DISP2: variants seen among roughly 807,000 people sequenced by gnomAD.
DISP2 encodes the protein protein dispatched homolog 2.
DISP2 carries 59 observed loss-of-function variants against 95.5 expected under a neutral mutation model. The ratio of observed to expected loss-of-function variants is 0.62; its 90% CI spans 0.50 to 0.77. The LOEUF is 0.77. DISP2 is among the 30% of genes least tolerant of loss of function. DISP2 has a pLI of 0.00. For missense variants in DISP2, 1,752 were observed against 1,854.6 expected, an observed-to-expected ratio of 0.94 and a Z score of 1.02; for synonymous variants, 827 against 815.0, an observed-to-expected ratio of 1.01 and a Z score of -0.25.
At position 40,368,426 on chromosome 15, in the gene DISP2, G is replaced by C. The variant is rs749963197; in HGVS notation, c.2314G>C (p.Val772Leu). The C allele has an allele frequency of 1.8e-5, 29 of 1,609,432 alleles. No homozygotes were observed. Among genetic ancestry groups the C allele is most frequent in the Non-Finnish European group, 2.5e-5 (29 of 1,179,878 alleles). ...LPQGEGGHMP[V>L]VLVWGVLPVD... is the part of the protein sequence containing the mutation. ...GCAGGGCGAGGGCGGCCACATGCCC[G>C]TGGTTTTGGTGTGGGGCGTCCTGCC... The change falls in exon 8 of 8, where the codon GTG (valine) becomes CTG (leucine). Residue 772 changes from valine (V) to leucine (L), a missense_variant. Physicochemically the swap from Val to Leu is conservative, Grantham distance 32. Around this residue, in one of 5 missense-constraint regions of DISP2, gnomAD observed 732 missense variants for 714.6 expected, o/e 1.02. Coordinates refer to ENST00000267889, the MANE Select transcript of DISP2 (RefSeq NM_033510.3).
At chr15:40,359,010 G>A (rs770260004) in intron 1 of DISP2, among the ~76,000 whole-genome samples, 2 of 152,238 alleles carry the variant, frequency 1.3e-5, no homozygotes, top group African/African-American at 2.4e-5. Context: ...GGCTGGAGCC[G>A]CTAAGATGGG....
chr15:40,369,817 C>G lies in DISP2; in HGVS notation c.3705C>G (p.Ser1235=). The G allele has an allele frequency of 1.9e-6, 3 of 1,588,100 alleles. No homozygotes were observed. In the South Asian group the frequency reaches 3.4e-5, roughly 18 times the overall value. ...AGTGCCCTGCCCTGCAGACCTCCTC[C>G]CCCTATAAGCAGGCTGGCCCCAGCC... ...FSQCPALQTS[S]PYKQAGPSPK... Residue 1235 remains serine (S), a synonymous_variant, in exon 8 of 8, where the codon TCC becomes TCG. Transcript: ENST00000267889.
At position 40,375,812 on chromosome 15, in the gene DISP2, C is replaced by T. The variant is rs1889724460; in HGVS notation, c.*5494C>T. 6.6e-6 allele frequency: 1 copy of T among 152,304 alleles called. No homozygotes were observed. Among genetic ancestry groups the T allele is most frequent in the African/African-American group, 2.4e-5 (1 of 41,464 alleles). 9.4% of individuals were successfully genotyped at this position (152,304 alleles called of 1,614,324 possible). A position where few individuals can be genotyped will look rare whatever the true frequency, so the allele number is the denominator to read the frequency against. ...AGATAGTTTTAAAGTAATCAGTTTCCAGAGCCGCCTTCTCCATATGTTCCC... is the reference window on the plus strand; with the variant it reads ...AGATAGTTTTAAAGTAATCAGTTTCTAGAGCCGCCTTCTCCATATGTTCCC... On this transcript the variant is annotated 3_prime_UTR_variant, in exon 8 of 8. Transcript: ENST00000267889.
rs1234506369 is a variant in DISP2 at position 40,358,317 on chromosome 15, CG to C, written c.-2del. Reference sequence around the variant, plus strand: ...AGCGCCCGGACAGCGGTGCCGCCCACGGGCATGGACGGTGACAGCAGCAGCA... The same window carrying C: ...AGCGCCCGGACAGCGGTGCCGCCCACGGCATGGACGGTGACAGCAGCAGCA... On this transcript the variant is annotated 5_prime_UTR_variant, in exon 1 of 8. Coordinates refer to ENST00000267889, the MANE Select transcript of DISP2 (RefSeq NM_033510.3). 3.0e-6 allele frequency: 4 copies of C among 1,330,706 alleles called. No individual in the cohort carries two copies. In the East Asian group the frequency reaches 1.2e-4, roughly 41 times the overall value. 82.4% of individuals were successfully genotyped at this position (1,330,706 alleles called of 1,614,324 possible). A position where few individuals can be genotyped will look rare whatever the true frequency, so the allele number is the denominator to read the frequency against.
chr15:40,364,195 G>T, intron 2 of DISP2, 31 bp from the exon 3 acceptor site: 2 of 1,613,828 alleles, frequency 1.2e-6, no homozygotes, highest in Non-Finnish European at 1.7e-6. Context: ...GAGAACTCTG[G>T]CAAGCAAGCA....
Position 40,374,014 on chromosome 15 carries a change from A to AAAAAAAAAAAAAAATATATATATATAT in DISP2, c.*3697_*3698insAAAAAAAAAAAAATATATATATATATA. 11 of 104,178 alleles carry AAAAAAAAAAAAAAATATATATATATAT rather than the reference A, an allele frequency of 1.1e-4. No individual in the cohort carries two copies. The highest frequency in any genetic ancestry group is 4.6e-4 in the African/African-American group (11 of 23,924). The allele number at this position is 104,178 out of a possible 1,614,324, so 6.5% of individuals were successfully genotyped here. A position where few individuals can be genotyped will look rare whatever the true frequency, so the allele number is the denominator to read the frequency against. On this transcript the variant is annotated 3_prime_UTR_variant, in exon 8 of 8. Transcript: ENST00000267889. ...GCGAGACTCCATCTTAAAAAAAAAA[A>AAAAAAAAAAAAAAATATATATATATAT]ATATATATATATATATATGTAAACT...
At chr15:40,358,847 A>G (rs892707733) in intron 1 of DISP2, among the ~76,000 whole-genome samples, 1 of 152,180 alleles carries the variant, frequency 6.6e-6, no homozygotes, top group South Asian at 2.1e-4. Flanking sequence ...TGAATCGCGG[A>G]TGGGAGGCTC....
rs1340061428 is a variant in DISP2 at position 40,372,765 on chromosome 15, C to T, written c.*2447C>T. 4 of 152,164 alleles carry T rather than the reference C, an allele frequency of 2.6e-5. No homozygotes were observed. The highest frequency in any genetic ancestry group is 4.8e-5 in the African/African-American group (2 of 41,424). 9.4% of individuals were successfully genotyped at this position (152,164 alleles called of 1,614,324 possible). On this transcript the variant is annotated 3_prime_UTR_variant, in exon 8 of 8. Coordinates refer to ENST00000267889, the MANE Select transcript of DISP2 (RefSeq NM_033510.3). ...CAGGGAGGTTAAGGGAACTCTTCCT[C>T]CCAAGCATGAGCAGAAGACACTTTG...
chr15:40,361,088 G>A lies in DISP2; in HGVS notation c.120-2537G>A, dbSNP rs889594876. On this transcript the variant is annotated intron_variant, in intron 1 of 7. Transcript: ENST00000267889. ...ATCTGCCAGGACACTGGCTGCTTACGTTATTAACTTTATGGAGTCATCTGA... is the reference window on the plus strand; with the variant it reads ...ATCTGCCAGGACACTGGCTGCTTACATTATTAACTTTATGGAGTCATCTGA... 2.6e-5 allele frequency among the ~76,000 whole-genome samples: 4 copies of A among 152,202 alleles called. No homozygotes were observed. In the South Asian group the frequency reaches 6.2e-4, roughly 24 times the overall value.
rs1889341785 is a variant in DISP2 at position 40,358,244 on chromosome 15, TGCCGCCGCCACCGC to T, written c.-77_-64del. The stretch of plus-strand genomic sequence containing the variant: ...ATGCGCACGAGCACCCCGCCGCCGC[TGCCGCCGCCACCGC>T]CGCCGCCGCCGCCGCCGCCGCGGCT... On this transcript the variant is annotated 5_prime_UTR_variant, in exon 1 of 8. Coordinates refer to ENST00000267889, the MANE Select transcript of DISP2 (RefSeq NM_033510.3). The T allele has an allele frequency of 4.2e-4, 324 of 779,810 alleles. 4 individuals are homozygous for T. The highest frequency in any genetic ancestry group is 4.9e-4 in the Non-Finnish European group (303 of 614,898). 48.3% of individuals were successfully genotyped at this position (779,810 alleles called of 1,614,324 possible).
At chr15:40,360,181 C>T (rs56082003) in intron 1 of DISP2, among the ~76,000 whole-genome samples, 5 of 152,176 alleles carry the variant, frequency 3.3e-5, no homozygotes, top group Admixed American at 6.5e-5. Context: ...ACTCACTTGG[C>T]GTACAGGCCT....
intron 1 of DISP2, among the ~76,000 whole-genome samples, chr15:40,360,684 T>C (rs971503256): frequency 1.3e-5 from 2 of 152,124 alleles, no homozygotes; most frequent in African/African-American, 4.8e-5. Flanking sequence ...CCCACTCTTC[T>C]CCCGTATCCT....
rs745618226 is a variant in DISP2, at chr15:40,369,196, C to T, written c.3084C>T (p.Leu1028=). ...TGTTTCTCTCTGCCTCAGTGGGCCTCTCAGTAGACTTCACTGTCAACTACT... is the reference window on the plus strand; with the variant it reads ...TGTTTCTCTCTGCCTCAGTGGGCCTTTCAGTAGACTTCACTGTCAACTACT... ...EALFLSASVG[L]SVDFTVNYCI... Residue 1028 remains leucine, a synonymous_variant, in exon 8 of 8, where the codon CTC becomes CTT. Transcript: ENST00000267889. The T allele has an allele frequency of 5.6e-6, 9 of 1,613,980 alleles. No homozygotes were observed. The highest frequency in any genetic ancestry group is 1.7e-5 in the Admixed American group (1 of 60,036).
chr15:40,361,516 C>G (rs967358734), intron 1 of DISP2, among the ~76,000 whole-genome samples: 1 of 152,166 alleles, frequency 6.6e-6, no homozygotes, highest in African/African-American at 2.4e-5. Flanking sequence ...ACAAGGATGC[C>G]AATGCTCCAA....
At position 40,377,599 on chromosome 15, in the gene DISP2, G is replaced by A. The variant is rs1269662607; in HGVS notation, c.*7281G>A. On this transcript the variant is annotated 3_prime_UTR_variant, in exon 8 of 8. Coordinates refer to ENST00000267889, the MANE Select transcript of DISP2 (RefSeq NM_033510.3). ...GGCAAAGCAAGTGACTCTGAGGTGA[G>A]GGGATAGCTGGGAGTGTGGAGCAGC... The A allele has an allele frequency of 6.6e-6, 1 of 152,412 alleles. No individual in the cohort carries two copies. The highest frequency in any genetic ancestry group is 2.4e-5 in the African/African-American group (1 of 41,464). 9.4% of individuals were successfully genotyped at this position (152,412 alleles called of 1,614,324 possible).
Position 40,368,578 on chromosome 15 carries a change from G to A in DISP2, c.2466G>A (p.Gln822=), listed in dbSNP as rs745925590. The stretch of plus-strand genomic sequence containing the variant: ...CACTCTGTCACCGGGCCCGGAATCA[G>A]AGCTTCTTCGACACCCTGCAGGAAG... The part of the protein sequence containing the change: ...LLALCHRARN[Q]SFFDTLQEGW... The change falls in exon 8 of 8, where the codon CAG becomes CAA. Residue 822 remains glutamine (Q), a synonymous_variant. Coordinates refer to ENST00000267889, the MANE Select transcript of DISP2 (RefSeq NM_033510.3). The A allele has an allele frequency of 2.5e-6, 4 of 1,604,622 alleles. No homozygotes were observed. The Admixed American group carries it at 6.7e-5, about 27-fold the overall frequency.
In DISP2 at chr15:40,374,073, T is replaced by G. The variant is rs1323685916; in HGVS notation, c.*3755T>G. 2.0e-5 allele frequency: 3 copies of G among 149,590 alleles called. No homozygotes were observed. The highest frequency in any genetic ancestry group is 7.4e-5 in the African/African-American group (3 of 40,384). The allele number at this position is 149,590 out of a possible 1,614,324, so 9.3% of individuals were successfully genotyped here. A position where few individuals can be genotyped will look rare whatever the true frequency, so the allele number is the denominator to read the frequency against. On this transcript the variant is annotated 3_prime_UTR_variant, in exon 8 of 8. Coordinates refer to ENST00000267889, the MANE Select transcript of DISP2 (RefSeq NM_033510.3). ...TCTGTTACCATGGGAAAACCATCCTTCCATGGCTGTGGTGATTTGGGGACT... is the reference window on the plus strand; with the variant it reads ...TCTGTTACCATGGGAAAACCATCCTGCCATGGCTGTGGTGATTTGGGGACT...
At chr15:40,366,588 T>G (rs1259639839) in intron 7 of DISP2, among the ~76,000 whole-genome samples, 1 of 152,176 alleles carries the variant, frequency 6.6e-6, no homozygotes, top group Admixed American at 6.5e-5. Context: ...AGGCATGAGA[T>G]TTGAAAAAGA....
chr15:40,376,636 TAATAA>T lies in DISP2; in HGVS notation c.*6326_*6330del, dbSNP rs1299240423. The T allele has an allele frequency of 1.3e-5, 2 of 149,604 alleles. No individual in the cohort carries two copies. Among genetic ancestry groups the T allele is most frequent in the Non-Finnish European group, 3.0e-5 (2 of 67,520 alleles). The allele number at this position is 149,604 out of a possible 1,614,324, so 9.3% of individuals were successfully genotyped here. A position where few individuals can be genotyped will look rare whatever the true frequency, so the allele number is the denominator to read the frequency against. On this transcript the variant is annotated 3_prime_UTR_variant, in exon 8 of 8. Transcript: ENST00000267889. Reference sequence around the variant, plus strand: ...CTACATCTCAAAATAAATAAATAAATAATAAAATAAAAATAAAAATTAGCTGGGCA... The same window carrying T: ...CTACATCTCAAAATAAATAAATAAATAATAAAAATAAAAATTAGCTGGGCA...
Sources: allele counts gnomAD v4.1 joint callset (sites outside exome capture counted in the v4.1 genomes callset), GRCh38; gene constraint gnomAD v4.1.1; regional missense constraint gnomAD v4.1.1; transcripts MANE v1.5; gene names NCBI Gene and HGNC (gene_info 2026-07-23, HGNC 2026-07-21).